Variants in KRT28 observed in about 807,000 individuals in gnomAD.
KRT28 encodes the protein keratin 28.
KRT28 carries 45 observed loss-of-function variants against 48.1 expected under a neutral mutation model. The observed-to-expected ratio is 0.94, with a 90% CI of 0.74 to 1.20. KRT28 has a LOEUF of 1.20. KRT28 is among the 50% of genes most tolerant of loss of function. KRT28 has a pLI of 0.00. For synonymous variants in KRT28, 228 were observed against 227.4 expected (o/e 1.00, Z -0.03); for missense variants, 571 against 574.1 (o/e 0.99, Z 0.06).
At position 40,793,850 on chromosome 17, in the gene KRT28, C is replaced by A; in HGVS notation, c.1175G>T (p.Arg392Leu). 6.2e-7 allele frequency: 1 copy of A among 1,613,896 alleles called. No homozygotes were observed. Among genetic ancestry groups the A allele is most frequent in the Non-Finnish European group, 8.5e-7 (1 of 1,179,852 alleles). ...HLEKEIETYC[R>L]LIDGDGNSCS... ...TTACTTTCCATCTCCATCTATCAGG[C>A]GGCAGTAGGTCTCAATTTCTTTTTC... The change falls in exon 6 of 8, where the codon CGC becomes CTC. Residue 392 changes from arginine to leucine, a missense_variant. Transcript: ENST00000306658.
At position 40,792,408 on chromosome 17, in the gene KRT28, C is replaced by A. The variant is rs80110057; in HGVS notation, c.*19G>T. On this transcript the variant is annotated 3_prime_UTR_variant, in exon 8 of 8. Coordinates refer to ENST00000306658, the MANE Select transcript of KRT28 (RefSeq NM_181535.3). Reference sequence around the variant, plus strand: ...GTACAGGATCCTTTCCCAAATTATTCTTTTCTCTAAAATGACAGCTAGAAA... The same window carrying A: ...GTACAGGATCCTTTCCCAAATTATTATTTTCTCTAAAATGACAGCTAGAAA... 6.7e-3 allele frequency: 10,786 copies of A among 1,598,118 alleles called. 640 individuals carry two copies. In the African/African-American group the frequency reaches 0.13, roughly 19 times the overall value.
chr17:40,796,653 G>T (rs1005123125), intron 5 of KRT28, among the ~76,000 whole-genome samples: 3 of 152,166 alleles, frequency 2.0e-5, no homozygotes, highest in Non-Finnish European at 4.4e-5. Flanking sequence ...ATTACCCTGA[G>T]AAAGGATCTA....
chr17:40,798,391 C>A lies in KRT28; in HGVS notation c.534G>T (p.Lys178Asn). The A allele has an allele frequency of 1.3e-6, 2 of 1,597,012 alleles. No homozygotes were observed. Among genetic ancestry groups the A allele is most frequent in the Admixed American group, 1.7e-5 (1 of 59,594 alleles). ...ARLAADDFRLKYENELTLHQN... is the reference protein window; with the variant it reads ...ARLAADDFRLNYENELTLHQN... The stretch of plus-strand genomic sequence containing the variant: ...GGTGAAGGGTGAGCTCATTTTCATA[C>A]CTTGGGGGGCATTTAAGTGAATTTC... The change falls in exon 3 of 8, where the codon AAG becomes AAT. Residue 178 changes from lysine (K) to asparagine (N), a missense_variant and splice_region_variant. Coordinates refer to ENST00000306658, the MANE Select transcript of KRT28 (RefSeq NM_181535.3).
intron 5 of KRT28, among the ~76,000 whole-genome samples, chr17:40,795,731 T>C (rs1256107467): frequency 6.6e-6 from 1 of 152,224 alleles, no homozygotes; most frequent in African/African-American, 2.4e-5. Flanking sequence ...AACATCCTTG[T>C]TTCTATGTGA....
At chr17:40,796,785 C>G in intron 5 of KRT28, 131 bp downstream of exon 5, 1 of 1,236,610 alleles carries the variant, frequency 8.1e-7, no homozygotes, top group Non-Finnish European at 1.1e-6. Flanking sequence ...TTTTCCTGCT[C>G]TCCTCCACTC....
In KRT28 at chr17:40,792,551, A is replaced by G; in HGVS notation, c.1271T>C (p.Leu424Pro). The change falls in exon 8 of 8, where the codon CTG becomes CCG. Residue 424 changes from leucine to proline, a missense_variant. By Grantham distance (98) the Leu-to-Pro change is moderately conservative. Coordinates refer to ENST00000306658, the MANE Select transcript of KRT28 (RefSeq NM_181535.3). ...TAGCTCTTCAACCACTGTCTTTACCAGTGTGGTTTTGGATAAATCTAGAAA... is the reference window on the plus strand; with the variant it reads ...TAGCTCTTCAACCACTGTCTTTACCGGTGTGGTTTTGGATAAATCTAGAAA... The part of the protein sequence containing the change: ...NSSKDLSKTT[L>P]VKTVVEELDQ... The G allele has an allele frequency of 3.1e-6, 5 of 1,608,172 alleles. No homozygotes were observed. The highest frequency in any genetic ancestry group is 3.4e-6 in the Non-Finnish European group (4 of 1,177,806).
At chr17:40,793,699 CAA>C in intron 6 of KRT28, 128 bp downstream of exon 6, 1 of 836,642 alleles carries the variant, frequency 1.2e-6, no homozygotes, top group Non-Finnish European at 1.9e-6. Flanking sequence ...TCCAAAAAAA[CAA>C]GAGATGGACA....
rs201401087 is a variant in KRT28 at position 40,796,911 on chromosome 17, C to A, written c.978+5G>T. On this transcript the variant is annotated splice_donor_5th_base_variant and intron_variant, in intron 5 of 7. Transcript: ENST00000306658. ...GGATCCAGGCTGACCTTCGCTGTCA[C>A]CTACCGTGGCCATCAGGGACTGCAG... 1,056 of 1,592,152 alleles carry A rather than the reference C, an allele frequency of 6.6e-4. 2 individuals carry two copies. Among genetic ancestry groups the A allele is most frequent in the Non-Finnish European group, 8.3e-4 (973 of 1,171,142 alleles).
At chr17:40,796,686 A>G (rs764810118) in intron 5 of KRT28, among the ~76,000 whole-genome samples, 14 of 152,174 alleles carry the variant, frequency 9.2e-5, no homozygotes, top group Non-Finnish European at 1.3e-4. Flanking sequence ...ATTTTCATGA[A>G]ATGAGCACTA....
At position 40,799,010 on chromosome 17, in the gene KRT28, C is replaced by T. The variant is rs1904686363; in HGVS notation, c.451-11G>A. Reference sequence around the variant, plus strand: ...AGTGGAGGAGATAATCTAGAATAAACCAAAACAGAGAACACAACAAGTAAG... The same window carrying T: ...AGTGGAGGAGATAATCTAGAATAAATCAAAACAGAGAACACAACAAGTAAG... On this transcript the variant is annotated splice_polypyrimidine_tract_variant and intron_variant, in intron 1 of 7. Coordinates refer to ENST00000306658, the MANE Select transcript of KRT28 (RefSeq NM_181535.3). The T allele has an allele frequency of 6.7e-7, 1 of 1,491,292 alleles. No homozygotes were observed. Among genetic ancestry groups the T allele is most frequent in the Admixed American group, 1.8e-5 (1 of 56,522 alleles). 92.4% of individuals were successfully genotyped at this position (1,491,292 alleles called of 1,614,324 possible).
Position 40,798,203 on chromosome 17 carries a change from T to C in KRT28, c.690+32A>G, listed in dbSNP as rs201475950. ...GCCCAGTATTTAAAATGTACAGAGTTGTGATTGGACTACAGGTAAAGCTTC... is the reference window on the plus strand; with the variant it reads ...GCCCAGTATTTAAAATGTACAGAGTCGTGATTGGACTACAGGTAAAGCTTC... On this transcript the variant is annotated intron_variant, in intron 3 of 7. Coordinates refer to ENST00000306658, the MANE Select transcript of KRT28 (RefSeq NM_181535.3). 194 of 1,578,876 alleles carry C rather than the reference T, an allele frequency of 1.2e-4. 1 individual carries two copies. The highest frequency in any genetic ancestry group is 2.5e-5 in the Non-Finnish European group (29 of 1,152,136).
chr17:40,796,890 C>T (rs1484083339), intron 5 of KRT28, 26 bp downstream of exon 5: 3 of 1,556,582 alleles, frequency 1.9e-6, no homozygotes, highest in Non-Finnish European at 2.6e-6. Context: ...ATCACAGGAT[C>T]CAGGCTGACC....
intron 5 of KRT28, 23 bp from the exon 6 acceptor site, chr17:40,794,069 G>A: frequency 6.2e-7 from 1 of 1,613,026 alleles, no homozygotes; most frequent in East Asian, 2.2e-5. Context: ...AAGAAGCCGT[G>A]GCAAGGGATG....
chr17:40,795,384 G>A (rs776528429), intron 5 of KRT28, among the ~76,000 whole-genome samples: 34 of 152,262 alleles, frequency 2.2e-4, no homozygotes, highest in Middle Eastern at 3.4e-3. Context: ...AGTCAGAGAG[G>A]ACAGCGTCTC....
In KRT28 at chr17:40,799,577, G is replaced by C. The variant is rs1414030344; in HGVS notation, c.317C>G (p.Ala106Gly). ...TAATTCAGCATTTGCCTCCTCCAGA[G>C]CTCGCACATTATCCAGGTAGGATGC... ...RLASYLDNVR[A>G]LEEANAELER... The change falls in exon 1 of 8, where the codon GCT (alanine) becomes GGT (glycine). Residue 106 changes from alanine to glycine, a missense_variant. Transcript: ENST00000306658. 7 of 1,614,112 alleles carry C rather than the reference G, an allele frequency of 4.3e-6. No homozygotes were observed. In the South Asian group the frequency reaches 7.7e-5, roughly 18 times the overall value.
In KRT28 at chr17:40,798,313, C is replaced by T. The variant is rs757014148; in HGVS notation, c.612G>A (p.Thr204=). 5.6e-6 allele frequency: 9 copies of T among 1,613,450 alleles called. No individual in the cohort carries two copies. The highest frequency in any genetic ancestry group is 2.2e-5 in the South Asian group (2 of 91,082). The change falls in exon 3 of 8, where the codon ACG becomes ACA. Residue 204 remains threonine (T), a synonymous_variant. Coordinates refer to ENST00000306658, the MANE Select transcript of KRT28 (RefSeq NM_181535.3). The part of the protein sequence containing the change: ...NGLRRVLDEL[T]LCRTDQELQY... ...GCAGCTCCTGGTCGGTCCTGCAGAG[C>T]GTCAGCTCGTCCAGGACTCGCCGTA...
chr17:40,798,659 C>G (rs1288461519), intron 2 of KRT28, among the ~76,000 whole-genome samples: 1 of 151,982 alleles, frequency 6.6e-6, no homozygotes, highest in Non-Finnish European at 1.5e-5. Context: ...AACGTTTTTC[C>G]TTAGTTGACT....
rs1401930834 is a variant in KRT28 at position 40,796,950 on chromosome 17, G to T, written c.944C>A (p.Thr315Asn). 2.5e-6 allele frequency: 4 copies of T among 1,612,006 alleles called. No individual in the cohort carries two copies. Among genetic ancestry groups the T allele is most frequent in the Non-Finnish European group, 3.4e-6 (4 of 1,179,374 alleles). Residue 315 changes from threonine to asparagine, a missense_variant, in exon 5 of 8, where the codon ACC becomes AAC. Thr to Asn is a moderately conservative substitution (Grantham distance 65). Transcript: ENST00000306658. ...QLTEMRRTLQ[T>N]LEIQLQSLMA... Reference sequence around the variant, plus strand: ...CAGGGACTGCAGCTGGATCTCCAGGGTCTGCAGGGTGCGCCTCATCTCGGT... The same window carrying T: ...CAGGGACTGCAGCTGGATCTCCAGGTTCTGCAGGGTGCGCCTCATCTCGGT...
intron 5 of KRT28, among the ~76,000 whole-genome samples, chr17:40,794,506 T>C (rs1048378779): frequency 1.3e-5 from 2 of 152,204 alleles, no homozygotes; most frequent in East Asian, 1.9e-4. Context: ...GCTTTTTTTT[T>C]CTCTAATCCA....
Sources: gnomAD v4.1 joint callset for allele counts (sites outside exome capture counted in the v4.1 genomes callset) on GRCh38, gnomAD v4.1.1 for gene constraint, MANE v1.5 for transcripts, NCBI Gene and HGNC (gene_info 2026-07-23, HGNC 2026-07-21) for gene names.